PKHD1: variants seen among roughly 807,000 people sequenced by gnomAD.
PKHD1 encodes the protein fibrocystin.
A neutral mutation model predicts 412.0 loss-of-function variants in PKHD1; 291 were observed. The observed-to-expected ratio is 0.71, with a 90% CI of 0.64 to 0.78. The LOEUF (loss-of-function observed/expected upper bound fraction) is 0.78, where lower values mean the gene tolerates loss of function less well. Among genes scored for constraint, PKHD1 ranks in the 30% least tolerant of loss-of-function variants. The pLI is 0.00. For missense variants in PKHD1, 4,825 were observed against 4,950.7 expected (o/e 0.97, Z 0.76); for synonymous variants, 1,777 against 1,821.5 (o/e 0.98, Z 0.62).
intron 57 of PKHD1, 142 bp from the exon 58 acceptor site, chr6:51,748,807 T>A: frequency 9.3e-6 from 7 of 752,088 alleles, no homozygotes; most frequent in Non-Finnish European, 4.7e-6. Flanking sequence ...TTTCACACCA[T>A]AGATTCTCAA....
At chr6:51,711,360 C>T (rs1465362415) in intron 60 of PKHD1, among the ~76,000 whole-genome samples, 1 of 152,134 alleles carries the variant, frequency 6.6e-6, no homozygotes, top group African/African-American at 2.4e-5. Context: ...AGTCTTTGTC[C>T]CAGGCTCTGT....
At chr6:51,670,921 G>A (rs886347973) in intron 60 of PKHD1, among the ~76,000 whole-genome samples, 4 of 152,062 alleles carry the variant, frequency 2.6e-5, no homozygotes, top group Admixed American at 2.0e-4. Flanking sequence ...AGATCTGCTG[G>A]TAGTCTGATG....
rs1266906 is a variant in PKHD1 at position 51,946,153 on chromosome 6, A to G, written c.5909-11831T>C. 3.6e-3 allele frequency among the ~76,000 whole-genome samples: 548 copies of G among 152,334 alleles called. 1 individual carries two copies. Among genetic ancestry groups the G allele is most frequent in the African/African-American group, 0.013 (524 of 41,568 alleles). On this transcript the variant is annotated intron_variant, in intron 36 of 66. Coordinates refer to ENST00000371117, the MANE Select transcript of PKHD1 (RefSeq NM_138694.4). ...TGGTAGAAATTTTGAAACATCATTTACTGACAGGAACTAATAATGATGCTA... is the reference window on the plus strand; with the variant it reads ...TGGTAGAAATTTTGAAACATCATTTGCTGACAGGAACTAATAATGATGCTA...
intron 35 of PKHD1, 113 bp downstream of exon 35, chr6:52,010,196 A>G (rs1024830110): frequency 4.5e-6 from 4 of 887,182 alleles, no homozygotes; most frequent in Non-Finnish European, 7.3e-6. Context: ...GTTTGAGCAC[A>G]TTTAATATTA....
chr6:51,832,544 A>C (rs535484210), intron 51 of PKHD1, among the ~76,000 whole-genome samples: 3 of 152,224 alleles, frequency 2.0e-5, no homozygotes, highest in African/African-American at 7.2e-5. Flanking sequence ...ACAGAAGTGG[A>C]TGAATAGTTT....
Position 52,030,103 on chromosome 6 carries a change from G to T in PKHD1, c.3365-1752C>A, listed in dbSNP as rs116465034. Among the ~76,000 whole-genome samples, 1,322 of 152,314 alleles carry T rather than the reference G, an allele frequency of 8.7e-3. 17 individuals are homozygous for T. The highest frequency in any genetic ancestry group is 0.03 in the African/African-American group (1,228 of 41,566). ...GCTCCTTTAGCCTGTAACATTTGAGGACTACTGCAGAGCTGGTATCTATGG... is the reference window on the plus strand; with the variant it reads ...GCTCCTTTAGCCTGTAACATTTGAGTACTACTGCAGAGCTGGTATCTATGG... On this transcript the variant is annotated intron_variant, in intron 29 of 66. Coordinates refer to ENST00000371117, the MANE Select transcript of PKHD1 (RefSeq NM_138694.4).
chr6:51,938,587 A>G (rs1787902252), intron 36 of PKHD1, among the ~76,000 whole-genome samples: 2 of 143,294 alleles, frequency 1.4e-5, no homozygotes, highest in South Asian at 2.2e-4. Flanking sequence ...CCCTTCACTG[A>G]CTCTCTTTTC....
intron 61 of PKHD1, among the ~76,000 whole-genome samples, chr6:51,651,138 G>T (rs1278402342): frequency 6.6e-6 from 1 of 152,076 alleles, no homozygotes; most frequent in Non-Finnish European, 1.5e-5. Context: ...CCCGCTAAAA[G>T]GTCCATTCCT....
chr6:51,901,057 T>C (rs1304207501), intron 43 of PKHD1, among the ~76,000 whole-genome samples: 2 of 152,070 alleles, frequency 1.3e-5, no homozygotes, highest in Admixed American at 6.6e-5. Context: ...GGAACACTTT[T>C]ACACTGTTGG....
chr6:51,738,349 G>T (rs1208230306), intron 60 of PKHD1, among the ~76,000 whole-genome samples: 1 of 152,208 alleles, frequency 6.6e-6, no homozygotes, highest in Non-Finnish European at 1.5e-5. Context: ...GGGAGTGAGA[G>T]GAAATGAGGG....
chr6:51,789,929 C>T (rs1360627029), intron 53 of PKHD1, among the ~76,000 whole-genome samples: 1 of 152,034 alleles, frequency 6.6e-6, no homozygotes, highest in Non-Finnish European at 1.5e-5. Flanking sequence ...CTTAATAGAA[C>T]AAAAAGAATT....
Position 52,055,597 on chromosome 6 carries a change from T to C in PKHD1, c.1826A>G (p.Gln609Arg). 1 of 1,613,976 alleles carries C rather than the reference T, an allele frequency of 6.2e-7. No individual in the cohort carries two copies. Among genetic ancestry groups the C allele is most frequent in the Non-Finnish European group, 8.5e-7 (1 of 1,179,896 alleles). The part of the protein sequence containing the change: ...PAAQKGYRLD[Q>R]YTHLCLAYKG... ...AAGACTGCTACTCACGTGTGTATAC[T>C]GATCTAGCCGATAGCCCTTCTGGGC... Residue 609 changes from glutamine to arginine, a missense_variant, in exon 19 of 67, where the codon CAG (glutamine) becomes CGG (arginine). Transcript: ENST00000371117.
At chr6:51,966,790 T>C (rs916625366) in intron 35 of PKHD1, among the ~76,000 whole-genome samples, 2 of 152,080 alleles carry the variant, frequency 1.3e-5, no homozygotes, top group African/African-American at 4.8e-5. Context: ...ATAAAACTAA[T>C]AGTGTGCTCT....
At chr6:51,672,237 A>G (rs954573725) in intron 60 of PKHD1, among the ~76,000 whole-genome samples, 1 of 152,176 alleles carries the variant, frequency 6.6e-6, no homozygotes, top group Non-Finnish European at 1.5e-5. Flanking sequence ...GTGATTAGGA[A>G]CCATACAAAT....
chr6:51,821,984 G>C (rs1482284146), intron 52 of PKHD1, among the ~76,000 whole-genome samples: 1 of 152,186 alleles, frequency 6.6e-6, no homozygotes, highest in Non-Finnish European at 1.5e-5. Context: ...ACTCCACCTG[G>C]CTGACAGTAA....
intron 60 of PKHD1, among the ~76,000 whole-genome samples, chr6:51,738,514 A>T (rs114185193): frequency 0.028 from 4,252 of 152,282 alleles, 184 homozygotes; most frequent in African/African-American, 0.094. Context: ...TGCTCTTGTC[A>T]CAAAAAGTAG....
At chr6:51,903,801 T>A in intron 42 of PKHD1, 74 bp from the exon 43 acceptor site, 1 of 1,062,922 alleles carries the variant, frequency 9.4e-7, no homozygotes, top group Non-Finnish European at 1.4e-6. Flanking sequence ...TTGATTCTAC[T>A]AATACACATC....
At chr6:52,022,339 A>C (rs1181734947) in intron 33 of PKHD1, among the ~76,000 whole-genome samples, 1 of 152,198 alleles carries the variant, frequency 6.6e-6, no homozygotes, top group Non-Finnish European at 1.5e-5. Flanking sequence ...GAAACCGAAA[A>C]CTGAACACAC....
At chr6:51,919,686 G>A (rs1489071206) in intron 37 of PKHD1, among the ~76,000 whole-genome samples, 3 of 152,176 alleles carry the variant, frequency 2.0e-5, no homozygotes, top group Non-Finnish European at 4.4e-5. Flanking sequence ...GTAGCTTGAT[G>A]GGGATGGCAT....
Sources: gnomAD v4.1 joint callset for allele counts (sites outside exome capture counted in the v4.1 genomes callset) on GRCh38, gnomAD v4.1.1 for gene constraint, MANE v1.5 for transcripts, NCBI Gene and HGNC (gene_info 2026-07-23, HGNC 2026-07-21) for gene names.